The following ADAM23 variants were observed in gnomAD, a reference collection of about 807,000 sequenced individuals.
ADAM23 encodes the protein ADAM metallopeptidase domain 23.
ADAM23 carries 33 observed loss-of-function variants against 120.1 expected under a neutral mutation model. That is an observed-to-expected ratio of 0.27 (90% CI 0.21 to 0.37). The LOEUF (loss-of-function observed/expected upper bound fraction) is 0.37. Among genes scored for constraint, ADAM23 ranks in the 10% least tolerant of loss-of-function variants. The pLI, the probability that ADAM23 is intolerant of heterozygous loss-of-function variation, is 1.00. For synonymous variants in ADAM23, 367 were observed against 375.2 expected, an observed-to-expected ratio of 0.98 and a Z score of 0.25; for missense variants, 862 against 1,058.2, an observed-to-expected ratio of 0.81 and a Z score of 2.57.
At chr2:206,460,479 A>G (rs1221389754) in intron 2 of ADAM23, among the ~76,000 whole-genome samples, 1 of 152,186 alleles carries the variant, frequency 6.6e-6, no homozygotes, top group African/African-American at 2.4e-5. Context: ...CCTAATGATT[A>G]GTGATGTTGA....
chr2:206,543,920 A>C (rs1697344939), intron 6 of ADAM23, among the ~76,000 whole-genome samples: 1 of 152,208 alleles, frequency 6.6e-6, no homozygotes, highest in Non-Finnish European at 1.5e-5. Context: ...CATATGTGGA[A>C]GCTAAGCCAT....
intron 19 of ADAM23, 150 bp from the exon 20 acceptor site, chr2:206,587,941 A>G (rs1698355361): frequency 4.3e-6 from 3 of 702,028 alleles, no homozygotes; most frequent in African/African-American, 3.6e-5. Context: ...TATTCTTGAG[A>G]TATTTGTGAT....
intron 18 of ADAM23, among the ~76,000 whole-genome samples, chr2:206,573,807 G>A (rs1213270791): frequency 6.6e-6 from 1 of 151,778 alleles, no homozygotes; most frequent in Admixed American, 6.6e-5. Context: ...ACTGTAGGAT[G>A]TATTTTACTT....
chr2:206,577,761 C>T (rs1361961435), intron 18 of ADAM23, among the ~76,000 whole-genome samples: 3 of 151,090 alleles, frequency 2.0e-5, no homozygotes, highest in Non-Finnish European at 2.9e-5. Flanking sequence ...GATTTATAGT[C>T]CTTTGGGTAT....
intron 25 of ADAM23, among the ~76,000 whole-genome samples, chr2:206,610,219 G>C (rs1024718831): frequency 1.2e-3 from 189 of 152,328 alleles, no homozygotes; most frequent in African/African-American, 4.4e-3. Context: ...CATATACACT[G>C]ATTTTTAAGG....
chr2:206,531,295 G>A (rs1179724271), intron 4 of ADAM23, among the ~76,000 whole-genome samples: 1 of 152,144 alleles, frequency 6.6e-6, no homozygotes, highest in Non-Finnish European at 1.5e-5. Flanking sequence ...CTGTTAGAAC[G>A]GTTCTTTAGT....
chr2:206,447,684 T>C (rs1399064260), intron 2 of ADAM23, among the ~76,000 whole-genome samples: 3 of 152,270 alleles, frequency 2.0e-5, no homozygotes, highest in Non-Finnish European at 4.4e-5. Flanking sequence ...TTTAGAAATG[T>C]TTCAGTAAGA....
intron 19 of ADAM23, among the ~76,000 whole-genome samples, chr2:206,587,730 T>C (rs1698352310): frequency 6.6e-6 from 1 of 152,154 alleles, no homozygotes; most frequent in African/African-American, 2.4e-5. Flanking sequence ...TATTATAACC[T>C]ACAGGTGAGT....
chr2:206,603,037 C>T (rs147627622), intron 24 of ADAM23, among the ~76,000 whole-genome samples: 1 of 152,044 alleles, frequency 6.6e-6, no homozygotes, highest in Admixed American at 6.6e-5. Context: ...AAGCTTTAAG[C>T]GTTCCATCTC....
chr2:206,464,675 A>G (rs546346687), intron 2 of ADAM23, among the ~76,000 whole-genome samples: 1 of 152,240 alleles, frequency 6.6e-6, no homozygotes, highest in East Asian at 1.9e-4. Flanking sequence ...GTACATAGAG[A>G]GTAGGGGTTC....
intron 2 of ADAM23, among the ~76,000 whole-genome samples, chr2:206,477,106 G>A (rs1367794350): frequency 1.3e-5 from 2 of 152,088 alleles, no homozygotes; most frequent in Non-Finnish European, 2.9e-5. Context: ...CCTATTTAAT[G>A]TACCCTACAC....
intron 2 of ADAM23, 87 bp from the exon 3 acceptor site, chr2:206,481,145 T>G: frequency 9.9e-7 from 1 of 1,006,132 alleles, no homozygotes; most frequent in South Asian, 1.8e-5. Context: ...ACATAAAAGT[T>G]ATTCGTCTTA....
chr2:206,461,329 G>C (rs778296151), intron 2 of ADAM23, among the ~76,000 whole-genome samples: 3 of 151,982 alleles, frequency 2.0e-5, no homozygotes, highest in Non-Finnish European at 2.9e-5. Context: ...CCCGAAGTGC[G>C]TGATTACAGG....
intron 2 of ADAM23, among the ~76,000 whole-genome samples, chr2:206,468,472 A>G (rs1490923922): frequency 3.3e-5 from 5 of 152,184 alleles, no homozygotes; most frequent in Admixed American, 3.3e-4. Context: ...CAGCCAAAGT[A>G]TAATAAAAGT....
chr2:206,465,976 G>A (rs1574481958), intron 2 of ADAM23, among the ~76,000 whole-genome samples: 2 of 152,146 alleles, frequency 1.3e-5, no homozygotes, highest in Admixed American at 1.3e-4. Context: ...GACTTAAAAT[G>A]AGGTCTCTAA....
chr2:206,467,009 A>T (rs1358665110), intron 2 of ADAM23, among the ~76,000 whole-genome samples: 1 of 146,874 alleles, frequency 6.8e-6, no homozygotes, highest in Non-Finnish European at 1.5e-5. Context: ...TTGTAACAAC[A>T]ACTCCAGTGG....
intron 4 of ADAM23, among the ~76,000 whole-genome samples, chr2:206,541,363 G>A (rs907930387): frequency 6.6e-6 from 1 of 152,138 alleles, no homozygotes; most frequent in African/African-American, 2.4e-5. Flanking sequence ...GAATTAGAAT[G>A]TACTGGGGGT....
chr2:206,508,159 A>T (rs191830590), intron 3 of ADAM23, among the ~76,000 whole-genome samples: 1 of 152,118 alleles, frequency 6.6e-6, no homozygotes, highest in Non-Finnish European at 1.5e-5. Context: ...CCTCCCGAGT[A>T]GCTGGGACTA....
rs148098493 is a variant in ADAM23, at chr2:206,476,363, G to A, written c.433-4869G>A. Among the ~76,000 whole-genome samples the A allele has an allele frequency of 1.6e-3, 250 of 152,270 alleles. 1 individual carries two copies. Among genetic ancestry groups the A allele is most frequent in the African/African-American group, 5.8e-3 (243 of 41,566 alleles). Reference sequence around the variant, plus strand: ...ACACCACCTATAGTTTAGAGCAGGGGTCCCCAACTTCCAGGTCACATTGAT... The same window carrying A: ...ACACCACCTATAGTTTAGAGCAGGGATCCCCAACTTCCAGGTCACATTGAT... On this transcript the variant is annotated intron_variant, in intron 2 of 25. Coordinates refer to ENST00000264377, the MANE Select transcript of ADAM23 (RefSeq NM_003812.4).
Sources: allele counts gnomAD v4.1 joint callset (sites outside exome capture counted in the v4.1 genomes callset), GRCh38; gene constraint gnomAD v4.1.1; transcripts MANE v1.5; gene names NCBI Gene and HGNC (gene_info 2026-07-23, HGNC 2026-07-21).